SIRPG: variants seen among roughly 807,000 people sequenced by gnomAD.
SIRPG encodes the protein signal regulatory protein gamma, also known as signal-regulatory protein gamma.
SIRPG carries 38 observed loss-of-function variants against 35.7 expected under a neutral mutation model. That is an observed-to-expected ratio of 1.06 (90% confidence interval 0.82 to 1.40). The LOEUF is 1.40. SIRPG is among the 40% of genes most tolerant of loss of function. The pLI, the probability that SIRPG is intolerant of heterozygous loss-of-function variation, is 0.00. For missense variants in SIRPG, 519 were observed against 483.0 expected (o/e 1.07, Z -0.70); for synonymous variants, 215 against 190.4 (o/e 1.13, Z -1.06).
chr20:1,679,656 A>G, the SIRPG span, among the ~76,000 whole-genome samples: 2 of 152,144 alleles, frequency 1.3e-5, no homozygotes, highest in African/African-American at 4.8e-5. Context: ...TGTCTCTCCA[A>G]ATGAAATTTT....
intron 1 of SIRPG, among the ~76,000 whole-genome samples, chr20:1,655,511 G>A (rs775299513): frequency 1.2e-4 from 18 of 151,934 alleles, no homozygotes; most frequent in Non-Finnish European, 1.8e-4. Context: ...GGTGTTTATC[G>A]GGGGCTAGAG....
intron 2 of SIRPG, among the ~76,000 whole-genome samples, chr20:1,644,039 C>T (rs564414368): frequency 6.6e-6 from 1 of 152,196 alleles, no homozygotes; most frequent in Non-Finnish European, 1.5e-5. Flanking sequence ...GAGGGTCTCT[C>T]TCAGTTGGGT....
At position 1,649,260 on chromosome 20, in the gene SIRPG, C is replaced by T. The variant is rs6079967; in HGVS notation, c.222G>A (p.Arg74=). Residue 74 remains arginine, a synonymous_variant, in exon 2 of 6, where the codon CGG becomes CGA. Transcript: ENST00000303415. The stretch of plus-strand genomic sequence containing the variant: ...CTTCTTTTTGATTGTAGATTAATTC[C>T]CGGCCTGGTCCAACTCCTCTGAACC... The part of the protein sequence containing the change: ...VLWFRGVGPG[R]ELIYNQKEGH... 712,135 of 1,613,594 alleles carry T rather than the reference C, an allele frequency of 0.44. 160,087 individuals are homozygous for T. The highest frequency in any genetic ancestry group is 0.49 in the Admixed American group (29,157 of 59,976).
intron 2 of SIRPG, among the ~76,000 whole-genome samples, chr20:1,641,660 T>G (rs1339456912): frequency 2.0e-5 from 3 of 152,160 alleles, no homozygotes; most frequent in Non-Finnish European, 2.9e-5. Context: ...CTCTTGCTTC[T>G]CTAGATCTTT....
At chr20:1,671,863 C>T in the SIRPG span, among the ~76,000 whole-genome samples, 1 of 152,324 alleles carries the variant, frequency 6.6e-6, no homozygotes, top group East Asian at 1.9e-4. Flanking sequence ...AGTGGTTTTC[C>T]ACCCTGGGTG....
At chr20:1,686,202 C>T in the SIRPG span, among the ~76,000 whole-genome samples, 2 of 152,256 alleles carry the variant, frequency 1.3e-5, no homozygotes, top group East Asian at 3.9e-4. Context: ...ATCTTCTGCT[C>T]TCAGACAATG....
At chr20:1,661,527 C>A (rs766696057), upstream of SIRPG, among the ~76,000 whole-genome samples, 4 of 152,128 alleles carry the variant, frequency 2.6e-5, no homozygotes, top group Admixed American at 2.6e-4. Flanking sequence ...ACCTGTGAGT[C>A]CTGGTAGCAG....
chr20:1,685,983 G>A, the SIRPG span, among the ~76,000 whole-genome samples: 1 of 152,168 alleles, frequency 6.6e-6, no homozygotes. Context: ...TCAGTTTGGG[G>A]CAGCAGAAGG....
chr20:1,648,459 C>A (rs146685352), intron 2 of SIRPG: 2 of 152,100 alleles, frequency 1.3e-5, no homozygotes, highest in Non-Finnish European at 2.9e-5. Context: ...AAGAAAAACA[C>A]GATTTACACT....
At chr20:1,640,575 C>T (rs2091844369) in intron 2 of SIRPG, among the ~76,000 whole-genome samples, 1 of 152,184 alleles carries the variant, frequency 6.6e-6, no homozygotes, top group African/African-American at 2.4e-5. Context: ...TTGACTTCCT[C>T]TCTTCTTATT....
the SIRPG span, among the ~76,000 whole-genome samples, chr20:1,681,079 T>C: frequency 2.0e-5 from 3 of 152,244 alleles, no homozygotes. Flanking sequence ...GAGACTGAAA[T>C]CTTTTATTTT....
At chr20:1,636,614 A>G in intron 2 of SIRPG, 109 bp from the exon 3 acceptor site, 1 of 1,204,032 alleles carries the variant, frequency 8.3e-7, no homozygotes, top group Non-Finnish European at 1.2e-6. Flanking sequence ...TAATCCTTCT[A>G]ATAATGTGGA....
intron 2 of SIRPG, among the ~76,000 whole-genome samples, chr20:1,645,617 C>T (rs1030322923): frequency 6.6e-6 from 1 of 152,186 alleles, no homozygotes; most frequent in African/African-American, 2.4e-5. Context: ...GATTTAACTC[C>T]TTCAGCTCTC....
chr20:1,663,267 C>T, the SIRPG span, among the ~76,000 whole-genome samples: 1 of 152,098 alleles, frequency 6.6e-6, no homozygotes, highest in African/African-American at 2.4e-5. Flanking sequence ...CAGCCGAGAT[C>T]GTGCCACTGC....
chr20:1,657,904 A>G, upstream of SIRPG: 1 of 541,398 alleles, frequency 1.8e-6, no homozygotes, highest in Non-Finnish European at 3.2e-6. Context: ...CAAAGCAAGG[A>G]GTTAATCGTG....
intron 1 of SIRPG, among the ~76,000 whole-genome samples, chr20:1,655,721 T>TATTAGTTCAA: frequency 6.6e-6 from 1 of 152,334 alleles, no homozygotes; most frequent in South Asian, 2.1e-4. Context: ...TGCATATGTT[T>TATTAGTTCAA]ATTAGTTCAA....
In SIRPG at chr20:1,635,328, G is replaced by T. The variant is rs1377290844; in HGVS notation, c.1020C>A (p.Ser340Arg). The change falls in exon 4 of 6, where the codon AGC (serine) becomes AGA (arginine). Residue 340 changes from serine to arginine, a missense_variant. Ser to Arg is a moderately radical substitution (Grantham distance 110). Transcript: ENST00000303415. ...CTGTGACCTCTAGGGCAAGGCGTTT[G>T]CTGACCGCCAGCTGCCCATCATGCT... ...QVKHDGQLAVSKRLALEVTVH... is the reference protein window; with the variant it reads ...QVKHDGQLAVRKRLALEVTVH... 7.4e-6 allele frequency: 12 copies of T among 1,614,204 alleles called. No individual in the cohort carries two copies. The highest frequency in any genetic ancestry group is 1.0e-5 in the Non-Finnish European group (12 of 1,180,032).
intron 4 of SIRPG, among the ~76,000 whole-genome samples, chr20:1,631,568 T>G (rs1331103586): frequency 6.6e-6 from 1 of 152,202 alleles, no homozygotes; most frequent in Non-Finnish European, 1.5e-5. Context: ...GGATGCTTCC[T>G]GCATTCCTGT....
intron 4 of SIRPG, among the ~76,000 whole-genome samples, chr20:1,630,991 A>G (rs2091745179): frequency 6.6e-6 from 1 of 152,094 alleles, no homozygotes; most frequent in Non-Finnish European, 1.5e-5. Context: ...AGGGCCTCAG[A>G]TGTCACCTAG....
Sources: gnomAD v4.1 joint callset for allele counts (sites outside exome capture counted in the v4.1 genomes callset) on GRCh38, gnomAD v4.1.1 for gene constraint, MANE v1.5 for transcripts, NCBI Gene and HGNC (gene_info 2026-07-23, HGNC 2026-07-21) for gene names.